The following VPS8 variants were observed in gnomAD, a reference collection of about 807,000 sequenced individuals.
VPS8 encodes the protein VPS8 subunit of CORVET complex.
In VPS8, 129 loss-of-function variants were observed where a neutral mutation model predicts 216.4. The observed-to-expected ratio is 0.60, with a 90% CI of 0.52 to 0.69. The LOEUF (loss-of-function observed/expected upper bound fraction) is 0.69, where lower values mean the gene tolerates loss of function less well. Ranked by LOEUF, VPS8 falls within the 30% of genes least tolerant of loss-of-function variation. VPS8 has a pLI of 0.00. For synonymous variants in VPS8, 571 were observed against 565.4 expected, an observed-to-expected ratio of 1.01 and a Z score of -0.14; for missense variants, 1,531 against 1,683.5, an observed-to-expected ratio of 0.91 and a Z score of 1.59.
chr3:184,926,558 C>T (rs1247559267), intron 30 of VPS8, 36 bp from the exon 31 acceptor site: 1 of 1,549,044 alleles, frequency 6.5e-7, no homozygotes, highest in Non-Finnish European at 8.7e-7. Context: ...TGTCTAGATG[C>T]TGATATCAAA....
intron 47 of VPS8, among the ~76,000 whole-genome samples, chr3:185,050,032 A>C (rs1713841967): frequency 6.6e-6 from 1 of 152,100 alleles, no homozygotes; most frequent in Non-Finnish European, 1.5e-5. Context: ...CTTCTGCTTC[A>C]AACTGTTGAG....
intron 43 of VPS8, 105 bp downstream of exon 43, chr3:184,994,168 G>T (rs943957131): frequency 2.5e-6 from 2 of 789,970 alleles, no homozygotes; most frequent in African/African-American, 3.7e-5. Flanking sequence ...CTATTTACTG[G>T]CAGTTAGGTA....
chr3:184,927,844 T>TA (rs1375657046), intron 31 of VPS8, among the ~76,000 whole-genome samples: 4 of 152,234 alleles, frequency 2.6e-5, no homozygotes, highest in African/African-American at 9.6e-5. Flanking sequence ...GTATTTAGCT[T>TA]ATTTCACTTG....
At chr3:184,893,032 G>A (rs2108921734) in intron 22 of VPS8, among the ~76,000 whole-genome samples, 1 of 152,166 alleles carries the variant, frequency 6.6e-6, no homozygotes, top group East Asian at 1.9e-4. Flanking sequence ...ATGAATTATT[G>A]ATTCAAATGA....
intron 45 of VPS8, among the ~76,000 whole-genome samples, chr3:185,000,788 G>A (rs1358407569): frequency 6.6e-6 from 1 of 151,974 alleles, no homozygotes; most frequent in African/African-American, 2.4e-5. Flanking sequence ...TGTATTTTTA[G>A]TAGAGTTGAG....
chr3:184,995,383 G>A (rs1752483751), intron 43 of VPS8, among the ~76,000 whole-genome samples: 1 of 152,166 alleles, frequency 6.6e-6, no homozygotes, highest in Non-Finnish European at 1.5e-5. Context: ...AGTGAAGCTT[G>A]ATAACCCCTG....
At position 184,849,186 on chromosome 3, in the gene VPS8, T is replaced by C. The variant is rs761783211; in HGVS notation, c.657T>C (p.Ala219=). Residue 219 remains alanine (A), a synonymous_variant, in exon 9 of 48, where the codon GCT becomes GCC. Coordinates refer to ENST00000625842, the MANE Select transcript of VPS8 (RefSeq NM_001009921.3). ...NDCSRLLCGF[A]KGQITMWDLA... ...GCTCAAGACTTCTTTGTGGCTTTGC[T>C]AAAGGACAGGTAAGATATGAACCTC... 7.4e-6 allele frequency: 12 copies of C among 1,613,114 alleles called. No homozygotes were observed. Among genetic ancestry groups the C allele is most frequent in the Middle Eastern group, 1.6e-4 (1 of 6,082 alleles).
rs1748410895 is a variant in VPS8, at chr3:184,971,566, A to T, written c.3317-83A>T. 17 of 1,004,838 alleles carry T rather than the reference A, an allele frequency of 1.7e-5. No individual in the cohort carries two copies. In the South Asian group the frequency reaches 2.5e-4, roughly 15 times the overall value. 62.2% of individuals were successfully genotyped at this position (1,004,838 alleles called of 1,614,324 possible). ...CTAGAAAATGAAGGTGATGCAAAGA[A>T]AAAGAAGTTTAACTTTTCACAGAGG... On this transcript the variant is annotated intron_variant, in intron 39 of 47. Coordinates refer to ENST00000625842, the MANE Select transcript of VPS8 (RefSeq NM_001009921.3).
intron 37 of VPS8, among the ~76,000 whole-genome samples, chr3:184,962,070 T>C (rs1212547614): frequency 6.6e-6 from 1 of 152,260 alleles, no homozygotes; most frequent in African/African-American, 2.4e-5. Context: ...CCACTTTTAC[T>C]AAATTTTTAA....
intron 10 of VPS8, among the ~76,000 whole-genome samples, chr3:184,850,757 C>T (rs182743034): frequency 6.6e-6 from 1 of 152,298 alleles, no homozygotes; most frequent in African/African-American, 2.4e-5. Flanking sequence ...CATTTTGTTG[C>T]TTAGCTCTGC....
At chr3:184,834,326 A>G (rs1720613812) in intron 4 of VPS8, among the ~76,000 whole-genome samples, 1 of 152,172 alleles carries the variant, frequency 6.6e-6, no homozygotes. Context: ...TTGAGGTTCA[A>G]GGCGGGTTTA....
intron 40 of VPS8, among the ~76,000 whole-genome samples, chr3:184,975,684 G>A (rs1238526831): frequency 6.6e-6 from 1 of 151,956 alleles, no homozygotes; most frequent in Non-Finnish European, 1.5e-5. Context: ...TTAGCTGTGG[G>A]TTTTGTTATA....
At chr3:184,852,635 A>T in intron 11 of VPS8, 68 bp downstream of exon 11, 3 of 1,471,684 alleles carry the variant, frequency 2.0e-6, no homozygotes, top group East Asian at 2.3e-5. Context: ...TTGAAATTGA[A>T]CATGAAGAGG....
chr3:184,861,387 G>A (rs1328118214), intron 15 of VPS8, among the ~76,000 whole-genome samples: 1 of 152,068 alleles, frequency 6.6e-6, no homozygotes, highest in Non-Finnish European at 1.5e-5. Context: ...TAATTTTTTA[G>A]GATATAGATG....
At chr3:184,870,601 T>G in intron 20 of VPS8, 115 bp from the exon 21 acceptor site, 1 of 844,226 alleles carries the variant, frequency 1.2e-6, no homozygotes, top group Non-Finnish European at 1.8e-6. Flanking sequence ...CACTAAAATT[T>G]TCAGTTAAAT....
chr3:184,922,996 GA>G (rs1167167522), intron 29 of VPS8, among the ~76,000 whole-genome samples: 1 of 151,864 alleles, frequency 6.6e-6, no homozygotes, highest in Non-Finnish European at 1.5e-5. Context: ...TTTATAACTT[GA>G]AATACCCACA....
At chr3:185,049,331 G>C (rs1713668679) in intron 47 of VPS8, among the ~76,000 whole-genome samples, 1 of 152,140 alleles carries the variant, frequency 6.6e-6, no homozygotes, top group African/African-American at 2.4e-5. Context: ...TTCTCGACCT[G>C]TTCTTCATGC....
At chr3:184,982,022 T>C (rs1279269565) in intron 40 of VPS8, among the ~76,000 whole-genome samples, 12 of 152,210 alleles carry the variant, frequency 7.9e-5, no homozygotes, top group South Asian at 2.1e-4. Context: ...TAACTTCTAT[T>C]TCCTGGTCCG....
chr3:184,889,098 A>G (rs1047387009), intron 22 of VPS8, among the ~76,000 whole-genome samples: 1 of 152,144 alleles, frequency 6.6e-6, no homozygotes, highest in African/African-American at 2.4e-5. Flanking sequence ...ATTCTCTAAC[A>G]TTTATTTCAC....
Sources: gnomAD v4.1 joint callset for allele counts (sites outside exome capture counted in the v4.1 genomes callset) on GRCh38, gnomAD v4.1.1 for gene constraint, MANE v1.5 for transcripts, NCBI Gene and HGNC (gene_info 2026-07-23, HGNC 2026-07-21) for gene names.